The following CACNB4 variants were observed in gnomAD, a reference collection of about 807,000 sequenced individuals.
CACNB4 encodes calcium voltage-gated channel auxiliary subunit beta 4, also known as voltage-dependent L-type calcium channel subunit beta-4.
A neutral mutation model predicts 71.2 loss-of-function variants in CACNB4; 32 were observed. That is an observed-to-expected ratio of 0.45 (90% CI 0.34 to 0.60). The LOEUF (loss-of-function observed/expected upper bound fraction) is 0.60. CACNB4 is among the 20% of genes least tolerant of loss of function. The pLI is 0.01. For synonymous variants in CACNB4, 231 were observed against 236.9 expected (o/e 0.97, Z 0.23); for missense variants, 464 against 647.9 (o/e 0.72, Z 3.08).
intron 2 of CACNB4, among the ~76,000 whole-genome samples, chr2:151,927,219 T>C (rs1277922422): frequency 6.6e-6 from 1 of 152,140 alleles, no homozygotes; most frequent in Non-Finnish European, 1.5e-5. Context: ...AGAGAATATT[T>C]GTATTGCAGA....
chr2:151,955,500 CT>C (rs2099868023), intron 2 of CACNB4, among the ~76,000 whole-genome samples: 1 of 152,182 alleles, frequency 6.6e-6, no homozygotes, highest in South Asian at 2.1e-4. Flanking sequence ...CCATCCAAGA[CT>C]GCAGGTGGCT....
intron 13 of CACNB4, among the ~76,000 whole-genome samples, chr2:151,840,846 CAT>C (rs2099836025): frequency 6.6e-6 from 1 of 152,212 alleles, no homozygotes; most frequent in Non-Finnish European, 1.5e-5. Context: ...CAATTGACTA[CAT>C]GTTCCTCAGT....
intron 2 of CACNB4, chr2:151,883,767 G>A: frequency 3.5e-6 from 1 of 283,882 alleles, no homozygotes; most frequent in Non-Finnish European, 6.8e-6. Flanking sequence ...AATCCTACCT[G>A]TATTTGGGCT....
chr2:151,989,245 C>T (rs1215926418), intron 2 of CACNB4, among the ~76,000 whole-genome samples: 1 of 152,226 alleles, frequency 6.6e-6, no homozygotes, highest in Non-Finnish European at 1.5e-5. Context: ...CAACACTTCC[C>T]TGGCCTTGCC....
chr2:151,924,236 T>G (rs1039856346), intron 2 of CACNB4, among the ~76,000 whole-genome samples: 7 of 151,258 alleles, frequency 4.6e-5, no homozygotes, highest in South Asian at 4.2e-4. Context: ...CCACTACCAC[T>G]CCCGGCTAAT....
chr2:152,077,972 A>G (rs1032322062), intron 2 of CACNB4, among the ~76,000 whole-genome samples: 3 of 152,124 alleles, frequency 2.0e-5, no homozygotes, highest in Non-Finnish European at 4.4e-5. Context: ...TAGAGAATGG[A>G]CCTGCTGGCA....
intron 2 of CACNB4, among the ~76,000 whole-genome samples, chr2:152,025,540 A>AAGTGG (rs1254252740): frequency 6.6e-6 from 1 of 152,248 alleles, no homozygotes; most frequent in African/African-American, 2.4e-5. Flanking sequence ...TGGCTGTAAC[A>AAGTGG]CTAAAAGAAT....
chr2:152,093,488 T>C (rs1220091096), intron 2 of CACNB4, among the ~76,000 whole-genome samples: 1 of 151,960 alleles, frequency 6.6e-6, no homozygotes. Flanking sequence ...CAAAAGATAG[T>C]CTGTTTTCTC....
chr2:151,889,421 G>A (rs1048539611), intron 2 of CACNB4, among the ~76,000 whole-genome samples: 2 of 145,282 alleles, frequency 1.4e-5, no homozygotes, highest in African/African-American at 5.1e-5. Context: ...AGCCGAGATT[G>A]TGCCACTGCA....
intron 2 of CACNB4, among the ~76,000 whole-genome samples, chr2:152,083,155 A>G (rs529544032): frequency 6.6e-6 from 1 of 152,202 alleles, no homozygotes; most frequent in South Asian, 2.1e-4. Flanking sequence ...CCCCCTGGCC[A>G]TAGTGTTGGT....
chr2:151,984,661 T>TTAC (rs1681236108), intron 2 of CACNB4, among the ~76,000 whole-genome samples: 3 of 152,164 alleles, frequency 2.0e-5, no homozygotes, highest in Admixed American at 2.0e-4. Context: ...ATGGTTGTGT[T>TTAC]TACTTCATTT....
intron 2 of CACNB4, among the ~76,000 whole-genome samples, chr2:151,992,093 AG>A: frequency 6.6e-6 from 1 of 152,268 alleles, no homozygotes; most frequent in Non-Finnish European, 1.5e-5. Context: ...ATTGGTGGAG[AG>A]GGCATTAAGT....
At chr2:152,046,859 AC>A (rs1165551030) in intron 2 of CACNB4, among the ~76,000 whole-genome samples, 2 of 152,078 alleles carry the variant, frequency 1.3e-5, no homozygotes, top group African/African-American at 2.4e-5. Flanking sequence ...AGGCGCTACC[AC>A]CCAGTTAGGA....
upstream of CACNB4, chr2:152,099,133 C>G: frequency 1.7e-6 from 1 of 579,810 alleles, no homozygotes; most frequent in Non-Finnish European, 2.9e-6. Context: ...GGACCCGCGC[C>G]GGCGCCCAGG....
chr2:151,876,950 A>C (rs1190764207), intron 4 of CACNB4, among the ~76,000 whole-genome samples: 5 of 146,996 alleles, frequency 3.4e-5, no homozygotes, highest in African/African-American at 9.9e-5. Context: ...ATTTATATAA[A>C]CTATATTGTG....
At chr2:151,861,092 C>G (rs2099841524) in intron 9 of CACNB4, 1 of 429,042 alleles carries the variant, frequency 2.3e-6, no homozygotes, top group Non-Finnish European at 4.2e-6. Flanking sequence ...GCTGAATTCC[C>G]TTTATAATAT....
chr2:151,905,598 G>T (rs1457844779), intron 2 of CACNB4, among the ~76,000 whole-genome samples: 1 of 152,218 alleles, frequency 6.6e-6, no homozygotes, highest in Non-Finnish European at 1.5e-5. Flanking sequence ...TAGGGATCAG[G>T]TTCCGTTTAT....
chr2:151,960,202 C>T (rs1560072602), intron 2 of CACNB4, among the ~76,000 whole-genome samples: 1 of 151,978 alleles, frequency 6.6e-6, no homozygotes, highest in Non-Finnish European at 1.5e-5. Flanking sequence ...TAGTGAGTGT[C>T]TCTGTATACC....
intron 2 of CACNB4, among the ~76,000 whole-genome samples, chr2:151,893,323 C>A (rs2099851197): frequency 1.3e-5 from 2 of 152,146 alleles, no homozygotes; most frequent in African/African-American, 4.8e-5. Flanking sequence ...CTCACTGCAA[C>A]ATCTGCCTCC....
Sources: allele counts gnomAD v4.1 joint callset (sites outside exome capture counted in the v4.1 genomes callset), GRCh38; gene constraint gnomAD v4.1.1; transcripts MANE v1.5; gene names NCBI Gene and HGNC (gene_info 2026-07-23, HGNC 2026-07-21).